The following NTM variants were observed in gnomAD, a reference collection of about 807,000 sequenced individuals.
NTM encodes IgLON family member 2.
Under a neutral mutation model 42.1 loss-of-function variants are expected in NTM, and 13 were observed. That is an observed-to-expected ratio of 0.31 (90% CI 0.20 to 0.49). The LOEUF (loss-of-function observed/expected upper bound fraction) is 0.49, where lower values mean the gene tolerates loss of function less well. Ranked by LOEUF, NTM falls within the 20% of genes least tolerant of loss-of-function variation. The probability of loss-of-function intolerance (pLI) is 0.99; values close to 1 mark genes in which losing one functional copy is unlikely to be tolerated. For synonymous variants in NTM, 187 were observed against 179.2 expected, an observed-to-expected ratio of 1.04 and a Z score of -0.35; for missense variants, 373 against 452.8, an observed-to-expected ratio of 0.82 and a Z score of 1.60.
intron 1 of NTM, among the ~76,000 whole-genome samples, chr11:131,823,210 ACT>A (rs2093263959): frequency 1.3e-5 from 2 of 152,082 alleles, no homozygotes; most frequent in African/African-American, 4.8e-5. Context: ...TCCTTCATTC[ACT>A]CTTAGAGGGT....
At chr11:131,902,004 A>C (rs1372375501) in intron 1 of NTM, among the ~76,000 whole-genome samples, 1 of 152,214 alleles carries the variant, frequency 6.6e-6, no homozygotes, top group African/African-American at 2.4e-5. Context: ...GTTGGGAAAG[A>C]AGCACAAGGC....
intron 1 of NTM, among the ~76,000 whole-genome samples, chr11:131,463,950 G>A (rs11222654): frequency 0.13 from 19,924 of 152,236 alleles, 3,547 homozygotes; most frequent in African/African-American, 0.4. Context: ...TGTGAGAAAC[G>A]GGACTGGCGA....
intron 2 of NTM, among the ~76,000 whole-genome samples, chr11:131,995,898 A>G (rs1286860923): frequency 6.6e-6 from 1 of 152,144 alleles, no homozygotes; most frequent in African/African-American, 2.4e-5. Context: ...GTCCTGCTGA[A>G]TGAGGGGTCT....
At chr11:131,677,559 G>A (rs2071643490) in intron 1 of NTM, among the ~76,000 whole-genome samples, 1 of 152,304 alleles carries the variant, frequency 6.6e-6, no homozygotes, top group East Asian at 1.9e-4. Context: ...CTCCTCTCCA[G>A]TTGTCAAGTG....
chr11:132,173,331 A>G lies in NTM; in HGVS notation c.400+26817A>G, dbSNP rs188956199. Among the ~76,000 whole-genome samples, 3 of 152,304 alleles carry G rather than the reference A, an allele frequency of 2.0e-5. No homozygotes were observed. The East Asian group carries it at 5.8e-4, about 29-fold the overall frequency. ...AAATCAAACCCAGAAGGGTTAAATA[A>G]TCTGTGATTGTCCATGAGTGTGCAG... On this transcript the variant is annotated intron_variant, in intron 3 of 8. Coordinates refer to ENST00000683400, the MANE Select transcript of NTM (RefSeq NM_001352005.2).
intron 1 of NTM, among the ~76,000 whole-genome samples, chr11:131,466,982 C>A (rs1000667770): frequency 1.3e-5 from 2 of 152,344 alleles, no homozygotes; most frequent in East Asian, 3.9e-4. Context: ...CATGTGCATA[C>A]ACGTACACAC....
At chr11:131,602,794 C>T (rs1383363865) in intron 1 of NTM, among the ~76,000 whole-genome samples, 1 of 152,064 alleles carries the variant, frequency 6.6e-6, no homozygotes, top group Non-Finnish European at 1.5e-5. Flanking sequence ...ATCGATTGTC[C>T]CTATGTCAGT....
chr11:132,180,408 C>A (rs192299834), intron 3 of NTM, among the ~76,000 whole-genome samples: 2 of 151,972 alleles, frequency 1.3e-5, no homozygotes, highest in Admixed American at 1.3e-4. Context: ...CAAGCAACTT[C>A]AAAGGAACAA....
At chr11:132,140,307 TTTTG>T (rs1286668465) in intron 2 of NTM, among the ~76,000 whole-genome samples, 4 of 152,098 alleles carry the variant, frequency 2.6e-5, no homozygotes, top group South Asian at 2.1e-4. Context: ...CTGCTTTTGG[TTTTG>T]TTTGTTTCCT....
At chr11:131,924,015 A>G (rs555774971) in intron 2 of NTM, among the ~76,000 whole-genome samples, 194 of 152,328 alleles carry the variant, frequency 1.3e-3, no homozygotes, top group African/African-American at 4.6e-3. Flanking sequence ...CACTCTGCTC[A>G]TACTTGGTGT....
intron 1 of NTM, among the ~76,000 whole-genome samples, chr11:131,903,017 C>G (rs954765805): frequency 1.3e-5 from 2 of 151,774 alleles, no homozygotes; most frequent in African/African-American, 4.8e-5. Flanking sequence ...TGAGTCTAAA[C>G]CATGAAGTCC....
chr11:131,682,147 A>G (rs1479278117), intron 1 of NTM, among the ~76,000 whole-genome samples: 1 of 151,912 alleles, frequency 6.6e-6, no homozygotes, highest in Non-Finnish European at 1.5e-5. Context: ...CCCTGGCACG[A>G]GGGATGCCTG....
rs539879570 is a variant in NTM, at chr11:131,623,879, C to T, written c.82+252991C>T. On this transcript the variant is annotated intron_variant, in intron 1 of 8. Transcript: ENST00000683400. ...TCCACTGTTAGCCAAGGAAAAACCT[C>T]GGGGCTGCCGTAGCTGGGCAGGAGG... Among the ~76,000 whole-genome samples, 181 of 152,330 alleles carry T rather than the reference C, an allele frequency of 1.2e-3. 1 individual carries two copies. The highest frequency in any genetic ancestry group is 4.2e-3 in the African/African-American group (173 of 41,568).
At chr11:131,586,131 G>A (rs1007711765) in intron 1 of NTM, among the ~76,000 whole-genome samples, 3 of 151,856 alleles carry the variant, frequency 2.0e-5, no homozygotes, top group Non-Finnish European at 4.4e-5. Flanking sequence ...TTGGATACAG[G>A]TTCTCTCTCT....
At chr11:131,431,794 C>T (rs1016902922) in intron 1 of NTM, among the ~76,000 whole-genome samples, 52 of 152,106 alleles carry the variant, frequency 3.4e-4, no homozygotes, top group African/African-American at 5.1e-4. Flanking sequence ...CTCCTAATGT[C>T]ACAGCCACTG....
At chr11:131,900,560 G>C (rs1480224510) in intron 1 of NTM, among the ~76,000 whole-genome samples, 1 of 152,110 alleles carries the variant, frequency 6.6e-6, no homozygotes, top group African/African-American at 2.4e-5. Flanking sequence ...TCTTGGCTTG[G>C]GCCAGGCAAG....
intron 1 of NTM, among the ~76,000 whole-genome samples, chr11:131,530,837 TCCATAGAATTA>T (rs1216199161): frequency 6.6e-6 from 1 of 152,176 alleles, no homozygotes; most frequent in Non-Finnish European, 1.5e-5. Context: ...GACTGTGTTG[TCCATAGAATTA>T]CTTATCAGAA....
intron 2 of NTM, among the ~76,000 whole-genome samples, chr11:132,013,628 A>C (rs1453831878): frequency 6.6e-6 from 1 of 152,128 alleles, no homozygotes; most frequent in Non-Finnish European, 1.5e-5. Context: ...TTATGACTTC[A>C]AGATAGATCT....
intron 2 of NTM, among the ~76,000 whole-genome samples, chr11:131,925,986 G>T (rs911721903): frequency 6.6e-6 from 1 of 152,148 alleles, no homozygotes. Context: ...CATGTGTTTT[G>T]CTGTGTTGCT....
Sources: gnomAD v4.1 joint callset for allele counts (sites outside exome capture counted in the v4.1 genomes callset) on GRCh38, gnomAD v4.1.1 for gene constraint, MANE v1.5 for transcripts, NCBI Gene and HGNC (gene_info 2026-07-23, HGNC 2026-07-21) for gene names.